Variants in BET1 observed in about 807,000 individuals in gnomAD.
BET1 encodes Bet1 golgi vesicular membrane trafficking protein, also known as BET1 homolog.
Under a neutral mutation model 13.9 loss-of-function variants are expected in BET1, and 9 were observed. The observed-to-expected ratio is 0.65, with a 90% CI of 0.39 to 1.13. The LOEUF is 1.13. Among genes scored for constraint, BET1 ranks in the 50% most tolerant of loss-of-function variants. The pLI is 0.01. For missense variants in BET1, 127 were observed against 133.6 expected (o/e 0.95, Z 0.24); for synonymous variants, 39 against 47.3 (o/e 0.82, Z 0.72).
In BET1 at chr7:93,994,308, T is replaced by G; in HGVS notation, c.279A>C (p.Gln93His). 1 of 1,613,894 alleles carries G rather than the reference T, an allele frequency of 6.2e-7. No homozygotes were observed. The highest frequency in any genetic ancestry group is 8.5e-7 in the Non-Finnish European group (1 of 1,179,904). The change falls in exon 4 of 4, where the codon CAA becomes CAC. Residue 93 changes from glutamine to histidine, a missense_variant. By Grantham distance (24) the Gln-to-His change is conservative (BLOSUM62 0). Coordinates refer to ENST00000222547, the MANE Select transcript of BET1 (RefSeq NM_005868.6). ...GKLKILSRGS[Q>H]TKLLCYMMLF... ...GCATCATATAGCACAGCAGCTTTGT[T>G]TGGCTCCCTCTGGATAAAATCTTCA...
At chr7:93,980,377 A>G (rs1795406742) in intron 4 of BET1, among the ~76,000 whole-genome samples, 1 of 152,142 alleles carries the variant, frequency 6.6e-6, no homozygotes, top group African/African-American at 2.4e-5. Context: ...CATAGATGCA[A>G]AATTTCTCAC....
chr7:93,983,930 C>T (rs564406315), intron 4 of BET1, among the ~76,000 whole-genome samples: 7 of 152,240 alleles, frequency 4.6e-5, no homozygotes, highest in African/African-American at 1.4e-4. Context: ...TCATCCCAGG[C>T]ACTCCTAGGC....
intron 6 of BET1, among the ~76,000 whole-genome samples, chr7:93,970,730 G>T (rs1795247672): frequency 6.6e-6 from 1 of 151,740 alleles, no homozygotes; most frequent in Non-Finnish European, 1.5e-5. Flanking sequence ...AAATGTAATT[G>T]GGAATAAATG....
At chr7:94,002,677 A>G (rs1795936389) in intron 1 of BET1, among the ~76,000 whole-genome samples, 1 of 152,152 alleles carries the variant, frequency 6.6e-6, no homozygotes, top group African/African-American at 2.4e-5. Flanking sequence ...AATACTCAAA[A>G]GGGCCTAGGG....
At chr7:93,981,493 T>C (rs951572393) in intron 4 of BET1, among the ~76,000 whole-genome samples, 11 of 152,162 alleles carry the variant, frequency 7.2e-5, no homozygotes, top group African/African-American at 2.7e-4. Flanking sequence ...ATTCAAAAGC[T>C]TATTGGGAAG....
At chr7:93,963,531 A>G (rs1795130540) in exon 7 of BET1, 1 of 152,148 alleles carries the variant, frequency 6.6e-6, no homozygotes, top group African/African-American at 2.4e-5. Context: ...AAGGATCTTA[A>G]TTGACTACTA....
At chr7:93,984,751 TA>T (rs545163152) in intron 4 of BET1, among the ~76,000 whole-genome samples, 39 of 151,848 alleles carry the variant, frequency 2.6e-4, no homozygotes, top group Non-Finnish European at 4.3e-4. Flanking sequence ...TTGCGTGATT[TA>T]AAAAAAAGTC....
chr7:93,989,365 T>C (rs1179230068), downstream of BET1, among the ~76,000 whole-genome samples: 1 of 152,164 alleles, frequency 6.6e-6, no homozygotes, highest in Non-Finnish European at 1.5e-5. Context: ...AATGCTGTTA[T>C]TCTATGAAAT....
chr7:94,000,590 C>T (rs1244522393), intron 1 of BET1, among the ~76,000 whole-genome samples: 1 of 151,908 alleles, frequency 6.6e-6, no homozygotes, highest in Non-Finnish European at 1.5e-5. Context: ...TTCAATCGTC[C>T]CAGGTGTGTG....
chr7:94,004,217 C>G lies in BET1; in HGVS notation c.-1G>C. ...TCTTACCCAGGCCTGCACGCCTCAT[C>G]CTGCCAGAGGAGAGAGAGAAAAGGC... On this transcript the variant is annotated 5_prime_UTR_variant, in exon 1 of 4. Transcript: ENST00000222547. 2.5e-6 allele frequency: 4 copies of G among 1,614,038 alleles called. No individual in the cohort carries two copies. Among genetic ancestry groups the G allele is most frequent in the Non-Finnish European group, 3.4e-6 (4 of 1,179,968 alleles).
chr7:93,968,923 C>G (rs894102917), intron 6 of BET1, among the ~76,000 whole-genome samples: 1 of 151,790 alleles, frequency 6.6e-6, no homozygotes, highest in Non-Finnish European at 1.5e-5. Flanking sequence ...GATCTGTGTT[C>G]TTTTCAATGT....
At chr7:93,966,496 G>A (rs767861804) in intron 6 of BET1, among the ~76,000 whole-genome samples, 22 of 151,854 alleles carry the variant, frequency 1.4e-4, no homozygotes, top group Non-Finnish European at 2.9e-4. Flanking sequence ...TTAAGCAAAT[G>A]AAGGTCATGC....
At position 94,004,151 on chromosome 7, in the gene BET1, C is replaced by G. The variant is rs370700720; in HGVS notation, c.19+47G>C. On this transcript the variant is annotated intron_variant, in intron 1 of 3. Coordinates refer to ENST00000222547, the MANE Select transcript of BET1 (RefSeq NM_005868.6). ...TTCGATTTCCTCCCGCGCCCCAGCG[C>G]TCCCGGTTCTAGGGCCCCGAACTTC... 10 of 1,613,818 alleles carry G rather than the reference C, an allele frequency of 6.2e-6. No homozygotes were observed. In the African/African-American group the frequency reaches 1.2e-4, roughly 19 times the overall value.
chr7:93,999,639 A>G, intron 1 of BET1: 1 of 457,966 alleles, frequency 2.2e-6, no homozygotes, highest in South Asian at 1.6e-5. Context: ...AAAGTTCTAA[A>G]AGCAGTAACA....
chr7:93,991,994 G>C (rs1452509439), downstream of BET1: 1 of 985,226 alleles, frequency 1.0e-6, no homozygotes, highest in Non-Finnish European at 1.2e-6. Flanking sequence ...AGGGTTCTCT[G>C]CTCCAGAATT....
downstream of BET1, chr7:93,992,875 T>C (rs1795665199): frequency 1.0e-6 from 1 of 984,074 alleles, no homozygotes; most frequent in African/African-American, 1.7e-5. Context: ...CTCAAACCAG[T>C]GCCTCTCCCA....
chr7:94,000,918 A>C (rs1455452295), intron 1 of BET1, among the ~76,000 whole-genome samples: 1 of 152,138 alleles, frequency 6.6e-6, no homozygotes, highest in African/African-American at 2.4e-5. Context: ...AGGCAGGATC[A>C]CTTGAGGCCA....
At chr7:93,999,915 A>G (rs188498053) in intron 1 of BET1, among the ~76,000 whole-genome samples, 23 of 152,264 alleles carry the variant, frequency 1.5e-4, no homozygotes, top group Non-Finnish European at 2.8e-4. Context: ...CATGTATCAG[A>G]TCCACTGTTC....
chr7:93,973,963 C>A (rs930238374), intron 5 of BET1, among the ~76,000 whole-genome samples: 1 of 151,864 alleles, frequency 6.6e-6, no homozygotes, highest in Non-Finnish European at 1.5e-5. Context: ...AAGAACTGCA[C>A]ACAAATAATA....
Sources: allele counts gnomAD v4.1 joint callset (sites outside exome capture counted in the v4.1 genomes callset), GRCh38; gene constraint gnomAD v4.1.1; transcripts MANE v1.5; gene names NCBI Gene and HGNC (gene_info 2026-07-23, HGNC 2026-07-21).